The following FOXP2 variants were observed in gnomAD, a reference collection of about 807,000 sequenced individuals.
FOXP2 encodes forkhead box protein P2.
FOXP2 carries 12 observed loss-of-function variants against 115.8 expected under a neutral mutation model. The ratio of observed to expected loss-of-function variants is 0.10; its 90% CI spans 0.07 to 0.17. The LOEUF (loss-of-function observed/expected upper bound fraction) is 0.17, where lower values mean the gene tolerates loss of function less well. Among genes scored for constraint, FOXP2 ranks in the 10% least tolerant of loss-of-function variants. The pLI is 1.00. For missense variants in FOXP2, 629 were observed against 843.5 expected (o/e 0.75, Z 3.15); for synonymous variants, 328 against 297.7 (o/e 1.10, Z -1.05).
At chr7:114,371,057 T>G (rs1041831420) in intron 2 of FOXP2, among the ~76,000 whole-genome samples, 4 of 152,148 alleles carry the variant, frequency 2.6e-5, no homozygotes, top group Non-Finnish European at 2.9e-5. Flanking sequence ...GAATGTTAAA[T>G]AAGCATATTC....
At chr7:114,222,419 G>A (rs961960050) in intron 1 of FOXP2, among the ~76,000 whole-genome samples, 4 of 152,084 alleles carry the variant, frequency 2.6e-5, no homozygotes, top group African/African-American at 9.7e-5. Flanking sequence ...CAAAATGCTG[G>A]GATTACAGGC....
intron 3 of FOXP2, among the ~76,000 whole-genome samples, chr7:114,581,175 T>G (rs892347890): frequency 6.7e-6 from 1 of 149,886 alleles, no homozygotes; most frequent in East Asian, 2.0e-4. Context: ...ATTTATTTAT[T>G]TATTTATTTA....
intron 1 of FOXP2, among the ~76,000 whole-genome samples, chr7:114,252,995 G>A (rs577716199): frequency 2.4e-4 from 36 of 152,026 alleles, no homozygotes; most frequent in African/African-American, 6.0e-4. Context: ...ATGTTGTGCC[G>A]TTGTCTGTTT....
intron 2 of FOXP2, among the ~76,000 whole-genome samples, chr7:114,428,894 G>A (rs1305840975): frequency 4.0e-5 from 6 of 151,380 alleles, no homozygotes; most frequent in East Asian, 3.9e-4. Flanking sequence ...TTATCTCTAC[G>A]TGTTGTTATT....
chr7:114,303,352 A>G (rs190008240), intron 2 of FOXP2, among the ~76,000 whole-genome samples: 41 of 152,308 alleles, frequency 2.7e-4, no homozygotes, highest in Middle Eastern at 3.4e-3. Flanking sequence ...ATTTTAAGAC[A>G]TGTTTGGGAA....
intron 3 of FOXP2, among the ~76,000 whole-genome samples, chr7:114,582,762 A>G (rs1450126004): frequency 6.6e-6 from 1 of 152,182 alleles, no homozygotes; most frequent in Non-Finnish European, 1.5e-5. Context: ...TTTAGTGAAA[A>G]CAGATCATGT....
chr7:114,341,259 TA>T (rs1370045077), intron 2 of FOXP2, among the ~76,000 whole-genome samples: 7 of 151,270 alleles, frequency 4.6e-5, no homozygotes, highest in African/African-American at 1.7e-4. Flanking sequence ...TAGAATGGTA[TA>T]AAATATGCCT....
chr7:114,105,158 A>G (rs1323212436), intron 1 of FOXP2, among the ~76,000 whole-genome samples: 1 of 152,086 alleles, frequency 6.6e-6, no homozygotes, highest in Non-Finnish European at 1.5e-5. Flanking sequence ...GGGTTTGTCT[A>G]AAGACTGGCA....
chr7:114,187,931 A>T (rs1428510045), intron 1 of FOXP2, among the ~76,000 whole-genome samples: 2 of 152,120 alleles, frequency 1.3e-5, no homozygotes, highest in Non-Finnish European at 2.9e-5. Flanking sequence ...CCCTTTTTTA[A>T]TAGTATCAGT....
rs778714219 is a variant in FOXP2 at position 114,534,614 on chromosome 7, T to C, written c.169-3T>C. 4.3e-6 allele frequency: 7 copies of C among 1,611,178 alleles called. No homozygotes were observed. Among genetic ancestry groups the C allele is most frequent in the Non-Finnish European group, 5.9e-6 (7 of 1,177,900 alleles). On this transcript the variant is annotated splice_region_variant and splice_polypyrimidine_tract_variant and intron_variant, in intron 2 of 16. Transcript: ENST00000350908. ...TTAGATAAGGTTTCATTTTTACTTC[T>C]AGGCTCTCCAGGCAGCAAGACAACT... is the stretch of plus-strand genomic sequence containing the variant.
At chr7:114,287,904 A>C (rs941342604) in intron 1 of FOXP2, 7 of 288,164 alleles carry the variant, frequency 2.4e-5, no homozygotes, top group Non-Finnish European at 4.1e-5. Context: ...AACATTAACA[A>C]TTTTTATTTT....
At chr7:114,674,421 T>C (rs1370089080) in intron 16 of FOXP2, among the ~76,000 whole-genome samples, 1 of 152,180 alleles carries the variant, frequency 6.6e-6, no homozygotes, top group East Asian at 1.9e-4. Context: ...AAGGAATATT[T>C]TCGTTTTCAT....
intron 3 of FOXP2, among the ~76,000 whole-genome samples, chr7:114,575,371 T>A (rs943626853): frequency 6.6e-6 from 1 of 151,890 alleles, no homozygotes; most frequent in African/African-American, 2.4e-5. Flanking sequence ...AAGAGTCAAT[T>A]CTGTTGGATG....
At chr7:114,222,781 A>G (rs1317473099) in intron 1 of FOXP2, among the ~76,000 whole-genome samples, 2 of 152,198 alleles carry the variant, frequency 1.3e-5, no homozygotes, top group African/African-American at 4.8e-5. Context: ...TTTGAAGGAC[A>G]AGGAGGAATT....
intron 3 of FOXP2, among the ~76,000 whole-genome samples, chr7:114,592,164 A>G (rs1160220168): frequency 6.6e-6 from 1 of 152,126 alleles, no homozygotes; most frequent in Non-Finnish European, 1.5e-5. Flanking sequence ...TCAAATTTAA[A>G]TTATCATTAC....
At chr7:114,627,688 C>G (rs1437326244) in intron 3 of FOXP2, among the ~76,000 whole-genome samples, 1 of 151,972 alleles carries the variant, frequency 6.6e-6, no homozygotes, top group African/African-American at 2.4e-5. Flanking sequence ...CTTTTTGCCT[C>G]TCATCCTCAG....
intron 3 of FOXP2, among the ~76,000 whole-genome samples, chr7:114,621,693 T>C (rs1804266398): frequency 6.6e-6 from 1 of 152,118 alleles, no homozygotes; most frequent in South Asian, 2.1e-4. Context: ...TAGAGGGCTT[T>C]GTTCCATTCT....
chr7:114,285,562 C>A (rs745992989), intron 1 of FOXP2: 10 of 152,048 alleles, frequency 6.6e-5, no homozygotes, highest in Admixed American at 1.3e-4. Context: ...GTTAGGTCTT[C>A]CAAATTGTTT....
chr7:114,474,458 A>G (rs1280910311), intron 2 of FOXP2, among the ~76,000 whole-genome samples: 1 of 152,192 alleles, frequency 6.6e-6, no homozygotes, highest in Non-Finnish European at 1.5e-5. Context: ...TATGTGTAGC[A>G]TAACAAACAT....
Sources: gnomAD v4.1 joint callset for allele counts (sites outside exome capture counted in the v4.1 genomes callset) on GRCh38, gnomAD v4.1.1 for gene constraint, MANE v1.5 for transcripts, NCBI Gene and HGNC (gene_info 2026-07-23, HGNC 2026-07-21) for gene names.